The following PLA2G4A variants were observed in gnomAD, a reference collection of about 807,000 sequenced individuals.
PLA2G4A encodes the protein phospholipase A2 group IVA, also known as cytosolic phospholipase A2.
In PLA2G4A, 40 loss-of-function variants were observed where a neutral mutation model predicts 81.9. The ratio of observed to expected loss-of-function variants is 0.49; its 90% confidence interval spans 0.38 to 0.64. The LOEUF (loss-of-function observed/expected upper bound fraction) is 0.64, where lower values mean the gene tolerates loss of function less well. Among genes scored for constraint, PLA2G4A ranks in the 30% least tolerant of loss-of-function variants. The pLI, the probability that PLA2G4A is intolerant of heterozygous loss-of-function variation, is 0.00. For missense variants in PLA2G4A, 715 were observed against 905.1 expected (o/e 0.79, Z 2.69); for synonymous variants, 302 against 296.9 (o/e 1.02, Z -0.18).
At chr1:186,890,195 C>T (rs1400003107) in intron 3 of PLA2G4A, among the ~76,000 whole-genome samples, 3 of 152,108 alleles carry the variant, frequency 2.0e-5, no homozygotes, top group Non-Finnish European at 4.4e-5. Context: ...AAAGTCAAGT[C>T]GATAGGTTAG....
At chr1:186,920,253 C>A (rs2102176609) in intron 7 of PLA2G4A, among the ~76,000 whole-genome samples, 1 of 152,266 alleles carries the variant, frequency 6.6e-6, no homozygotes. Flanking sequence ...TGGTGGCTCT[C>A]AGCTTGCTAA....
At chr1:186,920,453 C>T (rs879614137) in intron 7 of PLA2G4A, among the ~76,000 whole-genome samples, 4 of 152,182 alleles carry the variant, frequency 2.6e-5, no homozygotes, top group African/African-American at 9.7e-5. Context: ...CCAATATCGA[C>T]CAAAAACTTA....
chr1:186,985,710 T>C (rs541306404), intron 17 of PLA2G4A, among the ~76,000 whole-genome samples: 4 of 152,086 alleles, frequency 2.6e-5, no homozygotes, highest in Non-Finnish European at 5.9e-5. Context: ...AATAGGAGGC[T>C]ACTGAATGGC....
intron 7 of PLA2G4A, among the ~76,000 whole-genome samples, chr1:186,924,002 C>T (rs1006836051): frequency 6.6e-6 from 1 of 152,134 alleles, no homozygotes; most frequent in African/African-American, 2.4e-5. Context: ...TCTTTTGCAA[C>T]CTCCCTCGTA....
intron 17 of PLA2G4A, among the ~76,000 whole-genome samples, chr1:186,981,487 C>T (rs1157875751): frequency 6.6e-6 from 1 of 152,298 alleles, no homozygotes; most frequent in East Asian, 1.9e-4. Context: ...GACCTATACA[C>T]CTCATCAAAT....
Position 186,870,730 on chromosome 1 carries a change from C to A in PLA2G4A, c.115+214C>A, listed in dbSNP as rs997820759. Reference sequence around the variant, plus strand: ...AAATTAGCCAAAGTGACAAAGGGGGCCTTTGGTGACATGCGTAAGAGTGCC... The same window carrying A: ...AAATTAGCCAAAGTGACAAAGGGGGACTTTGGTGACATGCGTAAGAGTGCC... On this transcript the variant is annotated intron_variant, in intron 3 of 17. Transcript: ENST00000367466. The A allele has an allele frequency of 7.7e-6, 12 of 1,549,140 alleles. No homozygotes were observed. The Middle Eastern group carries it at 5.1e-4, about 65-fold the overall frequency.
chr1:186,870,376 G>A, intron 2 of PLA2G4A, 59 bp from the exon 3 acceptor site: 1 of 981,208 alleles, frequency 1.0e-6, no homozygotes, highest in Non-Finnish European at 1.6e-6. Context: ...TAATCTCAAG[G>A]AAAAAATGAG....
At chr1:186,977,527 T>C in intron 15 of PLA2G4A, 66 bp from the exon 16 acceptor site, 4 of 1,057,766 alleles carry the variant, frequency 3.8e-6, no homozygotes, top group Admixed American at 3.5e-5. Flanking sequence ...CACTGAATTA[T>C]GGTCAGACCA....
chr1:186,940,787 A>G (rs1240196170), intron 10 of PLA2G4A, among the ~76,000 whole-genome samples: 1 of 152,168 alleles, frequency 6.6e-6, no homozygotes, highest in Non-Finnish European at 1.5e-5. Context: ...TCTGCAGTTG[A>G]TAGAATTTGC....
At chr1:186,848,749 A>G (rs1652273271) in intron 1 of PLA2G4A, among the ~76,000 whole-genome samples, 1 of 151,998 alleles carries the variant, frequency 6.6e-6, no homozygotes, top group South Asian at 2.1e-4. Flanking sequence ...ACACACATAC[A>G]CACATACATA....
chr1:186,839,364 T>C (rs3795405), intron 1 of PLA2G4A, among the ~76,000 whole-genome samples: 1 of 152,372 alleles, frequency 6.6e-6, no homozygotes, highest in East Asian at 1.9e-4. Flanking sequence ...GGAAAGTCAT[T>C]CTGCACTTTA....
intron 14 of PLA2G4A, among the ~76,000 whole-genome samples, chr1:186,962,524 T>C (rs1039046483): frequency 6.6e-6 from 1 of 150,394 alleles, no homozygotes; most frequent in African/African-American, 2.4e-5. Flanking sequence ...ATTTATTTAT[T>C]TATTTATTTA....
intron 1 of PLA2G4A, among the ~76,000 whole-genome samples, chr1:186,837,362 G>A (rs181123862): frequency 2.0e-5 from 3 of 152,172 alleles, no homozygotes; most frequent in Admixed American, 6.5e-5. Flanking sequence ...ACCAAATGGA[G>A]ACATAGCAGG....
At chr1:186,958,862 A>C (rs59300656) in intron 14 of PLA2G4A, among the ~76,000 whole-genome samples, 24,573 of 152,156 alleles carry the variant, frequency 0.16, 3,200 homozygotes, top group African/African-American at 0.36. Flanking sequence ...GGGTTACCAG[A>C]TAAAATACAG....
chr1:186,848,723 A>T (rs1652271488), intron 1 of PLA2G4A, among the ~76,000 whole-genome samples: 1 of 125,540 alleles, frequency 8.0e-6, no homozygotes. Context: ...TAGTGATTTT[A>T]CACACACACA....
chr1:186,925,904 A>T (rs536147099), intron 7 of PLA2G4A, among the ~76,000 whole-genome samples: 61 of 152,234 alleles, frequency 4.0e-4, no homozygotes, highest in Non-Finnish European at 8.1e-4. Context: ...TCAACCACCT[A>T]GCATAGTTCC....
intron 17 of PLA2G4A, among the ~76,000 whole-genome samples, chr1:186,983,027 T>C (rs1657775874): frequency 6.8e-6 from 1 of 147,246 alleles, no homozygotes; most frequent in South Asian, 2.1e-4. Context: ...GAGCTTGCAG[T>C]GAGCCAAGAT....
intron 3 of PLA2G4A, among the ~76,000 whole-genome samples, chr1:186,880,634 A>G (rs940584817): frequency 6.6e-6 from 1 of 152,076 alleles, no homozygotes; most frequent in Non-Finnish European, 1.5e-5. Flanking sequence ...ATGAAAAAGA[A>G]TAATTTTTCT....
At chr1:186,879,924 T>C (rs944011041) in intron 3 of PLA2G4A, among the ~76,000 whole-genome samples, 9 of 151,912 alleles carry the variant, frequency 5.9e-5, no homozygotes, top group Non-Finnish European at 8.8e-5. Flanking sequence ...TGTGCCATGT[T>C]GGTGTGCTGC....
Sources: allele counts gnomAD v4.1 joint callset (sites outside exome capture counted in the v4.1 genomes callset), GRCh38; gene constraint gnomAD v4.1.1; transcripts MANE v1.5; gene names NCBI Gene and HGNC (gene_info 2026-07-23, HGNC 2026-07-21).